The following RAD9B variants were observed in gnomAD, a reference collection of about 807,000 sequenced individuals.
RAD9B encodes the protein cell cycle checkpoint control protein RAD9B.
A neutral mutation model predicts 48.3 loss-of-function variants in RAD9B; 41 were observed. The ratio of observed to expected loss-of-function variants is 0.85; its 90% confidence interval spans 0.66 to 1.10. The LOEUF (loss-of-function observed/expected upper bound fraction) is 1.10. Among genes scored for constraint, RAD9B ranks in the 50% least tolerant of loss-of-function variants. RAD9B has a pLI of 0.00. For missense variants in RAD9B, 444 were observed against 485.1 expected, an observed-to-expected ratio of 0.92 and a Z score of 0.80; for synonymous variants, 160 against 157.9, an observed-to-expected ratio of 1.01 and a Z score of -0.10.
chr12:110,530,408 C>G, intron 10 of RAD9B, 117 bp from the exon 11 acceptor site: 1 of 919,652 alleles, frequency 1.1e-6, no homozygotes, highest in Non-Finnish European at 1.7e-6. Context: ...TGAACCATCA[C>G]CAGCAAAGAC....
At position 110,519,809 on chromosome 12, in the gene RAD9B, T is replaced by A; in HGVS notation, c.783T>A (p.Ser261Arg). 2 of 1,611,216 alleles carry A rather than the reference T, an allele frequency of 1.2e-6. No individual in the cohort carries two copies. Among genetic ancestry groups the A allele is most frequent in the South Asian group, 2.2e-5 (2 of 90,188 alleles). ...GCTTTTTTAGACCTCTGGCTTTGAG[T>A]ATTGATGATATGTTAGTGGAAGCTA... is the stretch of plus-strand genomic sequence containing the variant. ...FDFPGKPLALSIDDMLVEANF... is the reference protein window; with the variant it reads ...FDFPGKPLALRIDDMLVEANF... The change falls in exon 9 of 11, where the codon AGT becomes AGA. Residue 261 changes from serine to arginine, a missense_variant. Transcript: ENST00000409300.
At chr12:110,503,112 G>T (rs12320866) in intron 1 of RAD9B, 3,722 of 152,558 alleles carry the variant, frequency 0.024, 128 homozygotes, top group African/African-American at 0.079. Context: ...GGGCTTAGTG[G>T]TGGGCGCCTG....
intron 5 of RAD9B, among the ~76,000 whole-genome samples, chr12:110,513,932 T>C (rs998125806): frequency 6.6e-6 from 1 of 151,874 alleles, no homozygotes; most frequent in Non-Finnish European, 1.5e-5. Context: ...GCCATGTTGC[T>C]CAGGCTGATT....
chr12:110,522,121 TA>T, intron 9 of RAD9B, 55 bp from the exon 10 acceptor site: 1 of 1,165,960 alleles, frequency 8.6e-7, no homozygotes, highest in Non-Finnish European at 1.2e-6. Context: ...ATTAGTTATA[TA>T]AAAATATATT....
At chr12:110,507,462 G>A (rs1297957408) in intron 4 of RAD9B, among the ~76,000 whole-genome samples, 2 of 90,512 alleles carry the variant, frequency 2.2e-5, no homozygotes, top group East Asian at 3.8e-4. Context: ...CACGTATTAA[G>A]TATAATATAT....
At chr12:110,509,028 G>A (rs1352749154) in intron 4 of RAD9B, among the ~76,000 whole-genome samples, 1 of 151,972 alleles carries the variant, frequency 6.6e-6, no homozygotes, top group African/African-American at 2.4e-5. Flanking sequence ...GCAGTGGTGC[G>A]ATCTCAGCTC....
chr12:110,521,354 T>C (rs922568516), intron 9 of RAD9B, among the ~76,000 whole-genome samples: 29 of 152,002 alleles, frequency 1.9e-4, no homozygotes, highest in Admixed American at 5.2e-4. Flanking sequence ...GGTTTTACCA[T>C]GTTGCCCAGG....
chr12:110,531,160 TG>T lies in RAD9B; in HGVS notation c.*509del. On this transcript the variant is annotated 3_prime_UTR_variant, in exon 11 of 11. Coordinates refer to ENST00000409300, the MANE Select transcript of RAD9B (RefSeq NM_001286535.2). ...TTAAGACTTTAAGTAGAATAAACCC[TG>T]GAAAAAAGATCAAGAGTAAAAATAT... 1 of 994,948 alleles carries T rather than the reference TG, an allele frequency of 1.0e-6. No individual in the cohort carries two copies. Among genetic ancestry groups the T allele is most frequent in the Non-Finnish European group, 1.2e-6 (1 of 833,630 alleles). The allele number at this position is 994,948 out of a possible 1,614,324, so 61.6% of individuals were successfully genotyped here.
Position 110,502,394 on chromosome 12 carries a change from C to G in RAD9B, c.46+11C>G. 6.2e-7 allele frequency: 1 copy of G among 1,613,334 alleles called. No individual in the cohort carries two copies. The highest frequency in any genetic ancestry group is 8.5e-7 in the Non-Finnish European group (1 of 1,179,654). On this transcript the variant is annotated intron_variant, in intron 1 of 10. Transcript: ENST00000409300. ...GCAGTCAGGTGAAAGGTGGAGCGGC[C>G]TTTGTTGTCTTCCCATTTAGCAGAG... is the stretch of plus-strand genomic sequence containing the variant.
chr12:110,507,500 GTATTAAATATAATACATAA>G, intron 4 of RAD9B, among the ~76,000 whole-genome samples: 1 of 23,316 alleles, frequency 4.3e-5, no homozygotes, highest in Non-Finnish European at 1.2e-4. Context: ...CATAATATAT[GTATTAAATATAATACATAA>G]TATATGTATT....
intron 5 of RAD9B, among the ~76,000 whole-genome samples, chr12:110,514,471 A>G (rs2063553927): frequency 1.3e-5 from 2 of 152,218 alleles, no homozygotes; most frequent in African/African-American, 4.8e-5. Flanking sequence ...ACAATTTTCA[A>G]TCTGTGAATT....
At position 110,518,800 on chromosome 12, in the gene RAD9B, T is replaced by C. The variant is rs1422183432; in HGVS notation, c.702+18T>C. 6 of 1,578,060 alleles carry C rather than the reference T, an allele frequency of 3.8e-6. No individual in the cohort carries two copies. In the Admixed American group the frequency reaches 9.2e-5, roughly 24 times the overall value. On this transcript the variant is annotated intron_variant, in intron 7 of 10. Transcript: ENST00000409300. Reference sequence around the variant, plus strand: ...AATTGAAGGTAAATAAAGATTTGTATCAATTTAAAATTCAAATTTTCACTG... The same window carrying C: ...AATTGAAGGTAAATAAAGATTTGTACCAATTTAAAATTCAAATTTTCACTG...
At chr12:110,523,512 C>T (rs2063846633) in intron 10 of RAD9B, among the ~76,000 whole-genome samples, 1 of 152,108 alleles carries the variant, frequency 6.6e-6, no homozygotes, top group Admixed American at 6.6e-5. Context: ...AGTTTGATAC[C>T]ATAGGTGTTT....
In RAD9B at chr12:110,530,575, C is replaced by T; in HGVS notation, c.1176C>T (p.Phe392=). 1 of 1,613,996 alleles carries T rather than the reference C, an allele frequency of 6.2e-7. No homozygotes were observed. Among genetic ancestry groups the T allele is most frequent in the Non-Finnish European group, 8.5e-7 (1 of 1,179,868 alleles). ...TTTCTTCTGACCAGCAAGAACACTTCAACCACCCTTTCGACAGTCTGGCAA... is the reference window on the plus strand; with the variant it reads ...TTTCTTCTGACCAGCAAGAACACTTTAACCACCCTTTCGACAGTCTGGCAA... The part of the protein sequence containing the change: ...GAVSSDQQEH[F]NHPFDSLARA... Residue 392 remains phenylalanine (F), a synonymous_variant, in exon 11 of 11, where the codon TTC becomes TTT. Transcript: ENST00000409300.
chr12:110,517,843 A>C (rs1403304395), intron 6 of RAD9B, among the ~76,000 whole-genome samples: 1 of 151,928 alleles, frequency 6.6e-6, no homozygotes, highest in Non-Finnish European at 1.5e-5. Flanking sequence ...AGATATATTG[A>C]TATATTATTG....
At chr12:110,528,891 C>T (rs1272446745) in intron 10 of RAD9B, among the ~76,000 whole-genome samples, 1 of 152,140 alleles carries the variant, frequency 6.6e-6, no homozygotes, top group East Asian at 1.9e-4. Context: ...CCACACCCAG[C>T]TAATTTTTTG....
intron 10 of RAD9B, among the ~76,000 whole-genome samples, chr12:110,525,069 T>G (rs1475484799): frequency 6.6e-6 from 1 of 152,174 alleles, no homozygotes; most frequent in African/African-American, 2.4e-5. Context: ...CACTGCAACC[T>G]CCACCTCCCG....
Position 110,531,711 on chromosome 12 carries a change from C to A in RAD9B, c.*1058C>A. The A allele has an allele frequency of 7.2e-7, 1 of 1,390,916 alleles. No individual in the cohort carries two copies. The highest frequency in any genetic ancestry group is 9.9e-7 in the Non-Finnish European group (1 of 1,009,120). The allele number at this position is 1,390,916 out of a possible 1,614,324, so 86.2% of individuals were successfully genotyped here. A position where few individuals can be genotyped will look rare whatever the true frequency, so the allele number is the denominator to read the frequency against. ...GAAGACAAATGTCTCTGTTCTTTGG[C>A]CCTTTAAGAGTTAGCTTTTTACCTG... On this transcript the variant is annotated 3_prime_UTR_variant, in exon 11 of 11. Coordinates refer to ENST00000409300, the MANE Select transcript of RAD9B (RefSeq NM_001286535.2).
intron 10 of RAD9B, among the ~76,000 whole-genome samples, chr12:110,525,025 C>T (rs140634194): frequency 4.7e-4 from 71 of 152,138 alleles, no homozygotes; most frequent in African/African-American, 1.7e-3. Flanking sequence ...GTTTCATTTT[C>T]GCCCAGGCTA....
Sources: gnomAD v4.1 joint callset for allele counts (sites outside exome capture counted in the v4.1 genomes callset) on GRCh38, gnomAD v4.1.1 for gene constraint, MANE v1.5 for transcripts, NCBI Gene and HGNC (gene_info 2026-07-23, HGNC 2026-07-21) for gene names.